The following HIRA variants were observed in gnomAD, a reference collection of about 807,000 sequenced individuals.
HIRA encodes the protein protein HIRA.
Under a neutral mutation model 126.6 loss-of-function variants are expected in HIRA, and 13 were observed. That is an observed-to-expected ratio of 0.10 (90% confidence interval 0.07 to 0.16). The LOEUF is 0.16. Among genes scored for constraint, HIRA ranks in the 10% least tolerant of loss-of-function variants. The pLI is 1.00. For synonymous variants in HIRA, 511 were observed against 520.0 expected (o/e 0.98, Z 0.24); for missense variants, 834 against 1,314.4 (o/e 0.63, Z 5.65).
At chr22:19,345,236 A>C (rs1331923700) in intron 24 of HIRA, among the ~76,000 whole-genome samples, 1 of 152,260 alleles carries the variant, frequency 6.6e-6, no homozygotes, top group African/African-American at 2.4e-5. Context: ...GGAAAACCCT[A>C]AAGATTCAGC....
At chr22:19,361,185 A>C in intron 17 of HIRA, 52 bp downstream of exon 17, 55 of 1,325,180 alleles carry the variant, frequency 4.2e-5, no homozygotes, top group Non-Finnish European at 5.7e-5. Flanking sequence ...AGTAGGGGAC[A>C]GAGAATGTCT....
chr22:19,333,695 C>T (rs2088522842), intron 24 of HIRA, among the ~76,000 whole-genome samples: 1 of 152,216 alleles, frequency 6.6e-6, no homozygotes, highest in African/African-American at 2.4e-5. Context: ...CTCTCTTACA[C>T]TTCTAGAACT....
chr22:19,428,593 C>T (rs187280324), intron 1 of HIRA, among the ~76,000 whole-genome samples: 250 of 152,298 alleles, frequency 1.6e-3, no homozygotes, highest in Non-Finnish European at 1.7e-3. Context: ...TTCCCTGCCA[C>T]ACCAGAGAAA....
chr22:19,343,360 T>C (rs1184924728), intron 24 of HIRA, among the ~76,000 whole-genome samples: 1 of 151,820 alleles, frequency 6.6e-6, no homozygotes, highest in Non-Finnish European at 1.5e-5. Flanking sequence ...GGGACCAGCC[T>C]GGGCAACACA....
chr22:19,345,549 G>A (rs1279839634), intron 24 of HIRA, among the ~76,000 whole-genome samples: 2 of 152,298 alleles, frequency 1.3e-5, no homozygotes, highest in African/African-American at 4.8e-5. Context: ...TTATGGACCA[G>A]TGGGGGAGGG....
intron 23 of HIRA, among the ~76,000 whole-genome samples, chr22:19,352,442 C>T (rs1601810385): frequency 1.3e-5 from 2 of 152,112 alleles, no homozygotes; most frequent in Admixed American, 1.3e-4. Flanking sequence ...ATAATGGCAA[C>T]CACATAGACC....
chr22:19,404,727 G>C (rs1310331346), intron 5 of HIRA, among the ~76,000 whole-genome samples: 1 of 152,122 alleles, frequency 6.6e-6, no homozygotes, highest in Non-Finnish European at 1.5e-5. Flanking sequence ...CCTCAAGCCA[G>C]GGGCAACTCC....
chr22:19,407,119 C>T (rs1402017731), intron 4 of HIRA, 65 bp downstream of exon 4: 2 of 1,351,758 alleles, frequency 1.5e-6, no homozygotes, highest in Non-Finnish European at 2.1e-6. Flanking sequence ...GGAAAGGTGA[C>T]TTTGATAAAG....
chr22:19,388,420 C>T (rs1767530896), intron 10 of HIRA, 64 bp downstream of exon 10: 2 of 1,291,462 alleles, frequency 1.5e-6, no homozygotes, highest in Non-Finnish European at 2.2e-6. Flanking sequence ...ACCCAGAAGG[C>T]CTCATGTTCC....
chr22:19,342,070 T>C (rs977946588), intron 24 of HIRA, among the ~76,000 whole-genome samples: 1 of 151,966 alleles, frequency 6.6e-6, no homozygotes, highest in South Asian at 2.1e-4. Flanking sequence ...AGGACTAATA[T>C]CTGGAATCTA....
rs371603776 is a variant in HIRA, at chr22:19,388,479, C to A, written c.1007+5G>T. 6.8e-6 allele frequency: 11 copies of A among 1,606,582 alleles called. No individual in the cohort carries two copies. The highest frequency in any genetic ancestry group is 9.4e-6 in the Non-Finnish European group (11 of 1,173,322). ...ACCTATTCCTGTAAGTAGAATCCAC[C>A]TTACCAGGAAATATCCATGATGGAT... On this transcript the variant is annotated splice_donor_5th_base_variant and intron_variant, in intron 10 of 24. Coordinates refer to ENST00000263208, the MANE Select transcript of HIRA (RefSeq NM_003325.4).
At chr22:19,428,519 G>C (rs1217938481) in intron 1 of HIRA, among the ~76,000 whole-genome samples, 1 of 152,140 alleles carries the variant, frequency 6.6e-6, no homozygotes, top group Admixed American at 6.5e-5. Context: ...GAAGACCAAA[G>C]TACACCCACA....
chr22:19,365,342 T>C (rs1349172768), intron 15 of HIRA, among the ~76,000 whole-genome samples: 3 of 152,226 alleles, frequency 2.0e-5, no homozygotes, highest in African/African-American at 7.2e-5. Context: ...TCTAGGACTT[T>C]CCTAGCTAGA....
chr22:19,363,845 C>A (rs150048441), intron 15 of HIRA, among the ~76,000 whole-genome samples: 1 of 152,034 alleles, frequency 6.6e-6, no homozygotes, highest in Admixed American at 6.6e-5. Context: ...TTGCAGTGAG[C>A]CGAGATGCGA....
chr22:19,358,689 G>A (rs1228183204), intron 18 of HIRA, among the ~76,000 whole-genome samples: 3 of 152,142 alleles, frequency 2.0e-5, no homozygotes, highest in Non-Finnish European at 2.9e-5. Context: ...GCATTTACAT[G>A]GGACCTCATG....
At position 19,385,513 on chromosome 22, in the gene HIRA, G is replaced by T; in HGVS notation, c.1329+8C>A. The T allele has an allele frequency of 6.2e-7, 1 of 1,610,554 alleles. No homozygotes were observed. ...CATGTCTTTAGCGCCACCAGGCAGG[G>T]CTCTCACCTTCCTGATATCTTCAAG... On this transcript the variant is annotated splice_region_variant and intron_variant, in intron 12 of 24. Coordinates refer to ENST00000263208, the MANE Select transcript of HIRA (RefSeq NM_003325.4).
chr22:19,418,971 C>T (rs763067351), intron 1 of HIRA, among the ~76,000 whole-genome samples: 15 of 151,712 alleles, frequency 9.9e-5, no homozygotes, highest in South Asian at 2.1e-4. Context: ...TTTTAAAAAA[C>T]GATATATATG....
Position 19,375,670 on chromosome 22 carries a change from G to A in HIRA, c.1736C>T (p.Ala579Val), listed in dbSNP as rs200617642. 1 of 1,614,228 alleles carries A rather than the reference G, an allele frequency of 6.2e-7. No individual in the cohort carries two copies. Among genetic ancestry groups the A allele is most frequent in the African/African-American group, 1.3e-5 (1 of 75,042 alleles). Residue 579 changes from alanine (A) to valine (V), a missense_variant, in exon 15 of 25, where the codon GCT becomes GTT. By Grantham distance (64) the Ala-to-Val change is moderately conservative. This residue lies in a region of HIRA where 468 missense variants were observed against 574.2 expected (regional missense o/e 0.82). Coordinates refer to ENST00000263208, the MANE Select transcript of HIRA (RefSeq NM_003325.4). ...FTERSKATPG[A>V]PALTSMTPTA... ...CGGAGTCATGCTGGTCAGGGCAGGA[G>A]CACCTGGTGTGGCTTTGGACCGCTC...
intron 13 of HIRA, among the ~76,000 whole-genome samples, chr22:19,382,882 TC>T (rs778435557): frequency 6.6e-6 from 1 of 152,012 alleles, no homozygotes; most frequent in African/African-American, 2.4e-5. Context: ...ATGAGTCTCT[TC>T]CCCCTTCTCT....
Sources: gnomAD v4.1 joint callset for allele counts (sites outside exome capture counted in the v4.1 genomes callset) on GRCh38, gnomAD v4.1.1 for gene constraint, gnomAD v4.1.1 regional missense constraint, MANE v1.5 for transcripts, NCBI Gene and HGNC (gene_info 2026-07-23, HGNC 2026-07-21) for gene names.